FOCAD: variants seen among roughly 807,000 people sequenced by gnomAD.
The protein encoded by FOCAD is KIAA1797.
A neutral mutation model predicts 225.6 loss-of-function variants in FOCAD; 198 were observed. The ratio of observed to expected loss-of-function variants is 0.88; its 90% CI spans 0.78 to 0.99. FOCAD has a LOEUF of 0.99. FOCAD is among the 50% of genes least tolerant of loss of function. The pLI, the probability that FOCAD is intolerant of heterozygous loss-of-function variation, is 0.00. For synonymous variants in FOCAD, 897 were observed against 755.0 expected (o/e 1.19, Z -3.08); for missense variants, 2,713 against 2,123.6 (o/e 1.28, Z -5.46).
At chr9:20,950,414 T>A (rs1035729956) in intron 33 of FOCAD, among the ~76,000 whole-genome samples, 1 of 152,218 alleles carries the variant, frequency 6.6e-6, no homozygotes, top group Non-Finnish European at 1.5e-5. Flanking sequence ...ATTCAGACTT[T>A]TAAAAGCAAA....
At chr9:20,859,687 T>C (rs1438920949) in intron 15 of FOCAD, among the ~76,000 whole-genome samples, 4 of 147,036 alleles carry the variant, frequency 2.7e-5, no homozygotes, top group Non-Finnish European at 3.0e-5. Context: ...ATATATAGAA[T>C]GGAGTATTAT....
chr9:20,917,048 CT>C (rs1230324775), intron 24 of FOCAD, 111 bp downstream of exon 24: 3 of 790,674 alleles, frequency 3.8e-6, no homozygotes, highest in Non-Finnish European at 5.8e-6. Context: ...TTTTAGAGTA[CT>C]TTTCAATTAT....
intron 18 of FOCAD, among the ~76,000 whole-genome samples, chr9:20,867,608 C>G (rs779916425): frequency 2.0e-5 from 3 of 152,024 alleles, no homozygotes; most frequent in Non-Finnish European, 4.4e-5. Context: ...CATATAACCT[C>G]TTCTAGTATC....
At chr9:20,875,833 T>A (rs1053000796) in intron 19 of FOCAD, 35 of 152,290 alleles carry the variant, frequency 2.3e-4, no homozygotes, top group African/African-American at 7.7e-4. Context: ...TCAAGTGATT[T>A]ATTGTGATTA....
intron 21 of FOCAD, among the ~76,000 whole-genome samples, chr9:20,890,427 T>C (rs1445107636): frequency 6.6e-6 from 1 of 151,932 alleles, no homozygotes; most frequent in Non-Finnish European, 1.5e-5. Context: ...GCTTTTTCTG[T>C]ATCAATTGAG....
chr9:20,659,533 A>G (rs1821647820), intron 2 of FOCAD, among the ~76,000 whole-genome samples: 7 of 152,182 alleles, frequency 4.6e-5, no homozygotes, highest in Admixed American at 4.6e-4. Context: ...CATAGAGGAA[A>G]GATCATGGGA....
At chr9:20,827,722 AACAGTGTTTACC>A (rs1416517625) in intron 15 of FOCAD, among the ~76,000 whole-genome samples, 2 of 152,136 alleles carry the variant, frequency 1.3e-5, no homozygotes, top group African/African-American at 4.8e-5. Flanking sequence ...TATAGAATAA[AACAGTGTTTACC>A]ACAGCAGTGA....
intron 11 of FOCAD, among the ~76,000 whole-genome samples, chr9:20,817,570 GTTTA>G (rs1013404013): frequency 4.6e-5 from 7 of 151,244 alleles, no homozygotes; most frequent in Non-Finnish European, 1.0e-4. Flanking sequence ...ATTGTATTTT[GTTTA>G]TTTATTCGTC....
chr9:20,921,324 T>C (rs1389045083), intron 24 of FOCAD, among the ~76,000 whole-genome samples: 1 of 152,204 alleles, frequency 6.6e-6, no homozygotes, highest in Non-Finnish European at 1.5e-5. Context: ...AAAGGACAAT[T>C]TAATTAAAAC....
chr9:20,887,239 C>CTT (rs1287038768), intron 21 of FOCAD, among the ~76,000 whole-genome samples: 1 of 149,858 alleles, frequency 6.7e-6, no homozygotes. Flanking sequence ...CTTTTTCTTT[C>CTT]TCTTTTTTTT....
chr9:20,692,949 C>G (rs186360822), intron 1 of FOCAD, among the ~76,000 whole-genome samples: 4 of 152,260 alleles, frequency 2.6e-5, no homozygotes, highest in Non-Finnish European at 4.4e-5. Context: ...GCAAACTGTC[C>G]TGGCCTTCTA....
chr9:20,879,026 A>G (rs779822296), intron 19 of FOCAD, among the ~76,000 whole-genome samples: 1 of 152,158 alleles, frequency 6.6e-6, no homozygotes, highest in Non-Finnish European at 1.5e-5. Flanking sequence ...CATTGAGGGC[A>G]GATCTCCCCT....
At chr9:20,949,719 C>T in intron 33 of FOCAD, 44 bp downstream of exon 33, 3 of 1,449,058 alleles carry the variant, frequency 2.1e-6, no homozygotes, top group Non-Finnish European at 2.9e-6. Context: ...AACATATCCC[C>T]CTTTGTTGTC....
At chr9:20,906,715 A>G (rs980067692) in intron 21 of FOCAD, among the ~76,000 whole-genome samples, 1 of 152,032 alleles carries the variant, frequency 6.6e-6, no homozygotes, top group African/African-American at 2.4e-5. Context: ...TTGGCAATAT[A>G]AATTTATTAC....
intron 21 of FOCAD, among the ~76,000 whole-genome samples, chr9:20,899,468 C>G (rs1029577068): frequency 1.3e-4 from 20 of 151,948 alleles, no homozygotes; most frequent in Non-Finnish European, 2.8e-4. Flanking sequence ...GTCTGTCTCT[C>G]CAACTTTGAG....
chr9:20,811,983 T>C (rs550628812), intron 11 of FOCAD, among the ~76,000 whole-genome samples: 56 of 152,230 alleles, frequency 3.7e-4, no homozygotes, highest in African/African-American at 1.3e-3. Flanking sequence ...TTACCATTCT[T>C]TTAAAAATGG....
At chr9:20,787,503 C>CCTGGTTGG (rs1820044328) in intron 10 of FOCAD, among the ~76,000 whole-genome samples, 2 of 151,984 alleles carry the variant, frequency 1.3e-5, no homozygotes, top group Admixed American at 1.3e-4. Context: ...AAACCTTGGC[C>CCTGGTTGG]ATGGTTGTTA....
intron 1 of FOCAD, among the ~76,000 whole-genome samples, chr9:20,699,959 G>A (rs1286915794): frequency 6.6e-6 from 1 of 150,860 alleles, no homozygotes; most frequent in Non-Finnish European, 1.5e-5. Flanking sequence ...TTCACCCCAA[G>A]ATCCTCTTCT....
intron 15 of FOCAD, among the ~76,000 whole-genome samples, chr9:20,844,882 A>G (rs1225227513): frequency 1.3e-5 from 2 of 151,986 alleles, no homozygotes; most frequent in Non-Finnish European, 2.9e-5. Context: ...AAATTTTCCT[A>G]TCCCTTAGGT....
Sources: allele counts gnomAD v4.1 joint callset (sites outside exome capture counted in the v4.1 genomes callset), GRCh38; gene constraint gnomAD v4.1.1; transcripts MANE v1.5; gene names NCBI Gene and HGNC (gene_info 2026-07-23, HGNC 2026-07-21).